The following CLSTN2 variants were observed in gnomAD, a reference collection of about 807,000 sequenced individuals.
CLSTN2 encodes the protein calsyntenin-2.
In CLSTN2, 48 loss-of-function variants were observed where a neutral mutation model predicts 101.2. The ratio of observed to expected loss-of-function variants is 0.47; its 90% CI spans 0.38 to 0.60. CLSTN2 has a LOEUF of 0.60. Among genes scored for constraint, CLSTN2 ranks in the 20% least tolerant of loss-of-function variants. CLSTN2 has a pLI of 0.00. For synonymous variants in CLSTN2, 481 were observed against 463.6 expected (o/e 1.04, Z -0.48); for missense variants, 1,160 against 1,238.2 (o/e 0.94, Z 0.95).
intron 2 of CLSTN2, among the ~76,000 whole-genome samples, chr3:140,308,157 C>T (rs2087132551): frequency 6.6e-6 from 1 of 152,192 alleles, no homozygotes; most frequent in South Asian, 2.1e-4. Flanking sequence ...CTATGGAAGG[C>T]TACAGATCCT....
At chr3:140,202,264 C>T (rs772889521) in intron 2 of CLSTN2, among the ~76,000 whole-genome samples, 1 of 152,178 alleles carries the variant, frequency 6.6e-6, no homozygotes, top group Non-Finnish European at 1.5e-5. Context: ...AGGGAGACCA[C>T]TTAGTAGGCC....
At chr3:140,385,250 A>G (rs1259589775) in intron 2 of CLSTN2, among the ~76,000 whole-genome samples, 3 of 152,218 alleles carry the variant, frequency 2.0e-5, no homozygotes, top group East Asian at 1.9e-4. Flanking sequence ...CTCACACCTA[A>G]GAAGCATCTT....
At chr3:140,564,201 C>T (rs1244015480) in intron 16 of CLSTN2, 56 bp downstream of exon 16, 1 of 1,535,282 alleles carries the variant, frequency 6.5e-7, no homozygotes, top group Non-Finnish European at 8.9e-7. Flanking sequence ...CTCTACCCAG[C>T]TCAACCCTTC....
At chr3:139,961,526 T>G (rs1935511030) in intron 1 of CLSTN2, among the ~76,000 whole-genome samples, 1 of 152,188 alleles carries the variant, frequency 6.6e-6, no homozygotes, top group African/African-American at 2.4e-5. Context: ...ATGAGTGATG[T>G]TGATCTGCTG....
At chr3:139,994,302 C>A (rs1936164910) in intron 1 of CLSTN2, among the ~76,000 whole-genome samples, 1 of 152,168 alleles carries the variant, frequency 6.6e-6, no homozygotes. Flanking sequence ...TGTCAGTGAC[C>A]TTTCCTTGTG....
At chr3:140,552,696 A>G (rs947212528) in intron 10 of CLSTN2, among the ~76,000 whole-genome samples, 3 of 152,128 alleles carry the variant, frequency 2.0e-5, no homozygotes, top group East Asian at 1.9e-4. Flanking sequence ...TCAGAGACCA[A>G]CCTCCACTGC....
intron 9 of CLSTN2, 36 bp from the exon 10 acceptor site, chr3:140,546,479 T>A: frequency 6.2e-7 from 1 of 1,604,410 alleles, no homozygotes; most frequent in Non-Finnish European, 8.5e-7. Context: ...TCCTACCCAG[T>A]CTTCACAGGG....
At chr3:140,026,553 G>A (rs1382139321) in intron 1 of CLSTN2, among the ~76,000 whole-genome samples, 1 of 152,192 alleles carries the variant, frequency 6.6e-6, no homozygotes, top group Admixed American at 6.5e-5. Flanking sequence ...ATTGCTACTT[G>A]TTTCTTATTG....
At chr3:140,005,995 A>C (rs1485061798) in intron 1 of CLSTN2, among the ~76,000 whole-genome samples, 2 of 152,224 alleles carry the variant, frequency 1.3e-5, no homozygotes, top group Non-Finnish European at 2.9e-5. Flanking sequence ...CTAAGAGTTA[A>C]TATCTAAGTT....
At chr3:140,086,930 TG>T (rs2008692202) in intron 1 of CLSTN2, among the ~76,000 whole-genome samples, 2 of 152,220 alleles carry the variant, frequency 1.3e-5, no homozygotes, top group South Asian at 4.1e-4. Context: ...CTTTTTAACT[TG>T]GCACTATGAT....
At position 140,371,739 on chromosome 3, in the gene CLSTN2, T is replaced by TA. The variant is rs534610913; in HGVS notation, c.233-31889dup. Among the ~76,000 whole-genome samples the TA allele has an allele frequency of 6.6e-5, 10 of 152,334 alleles. No homozygotes were observed. The South Asian group carries it at 2.1e-3, about 32-fold the overall frequency. On this transcript the variant is annotated intron_variant, in intron 2 of 16. Coordinates refer to ENST00000458420, the MANE Select transcript of CLSTN2 (RefSeq NM_022131.3). Reference sequence around the variant, plus strand: ...ACAAGCATTAATTTCTTGGCATCTCTACCAAACCAGTTATGGTCCAATAGC... The same window carrying TA: ...ACAAGCATTAATTTCTTGGCATCTCTAACCAAACCAGTTATGGTCCAATAGC...
chr3:140,032,092 A>C (rs945083729), intron 1 of CLSTN2, among the ~76,000 whole-genome samples: 2 of 152,226 alleles, frequency 1.3e-5, no homozygotes, highest in Non-Finnish European at 2.9e-5. Context: ...CCCACAGACC[A>C]AAGGAAAGCG....
chr3:139,954,748 C>T (rs1036242430), intron 1 of CLSTN2, among the ~76,000 whole-genome samples: 1 of 152,086 alleles, frequency 6.6e-6, no homozygotes, highest in African/African-American at 2.4e-5. Context: ...GAACAGCTGG[C>T]AGAACTAAAA....
At position 140,404,774 on chromosome 3, in the gene CLSTN2, A is replaced by C; in HGVS notation, c.637+8A>C. ...TTGCCATCGACAGAAATGGTGAGTG[A>C]CCTCAGAGGACCCCTGTGGGGTCAG... is the stretch of plus-strand genomic sequence containing the variant. On this transcript the variant is annotated splice_region_variant and intron_variant, in intron 4 of 16. Coordinates refer to ENST00000458420, the MANE Select transcript of CLSTN2 (RefSeq NM_022131.3). 1 of 1,612,654 alleles carries C rather than the reference A, an allele frequency of 6.2e-7. No homozygotes were observed. The highest frequency in any genetic ancestry group is 1.3e-5 in the African/African-American group (1 of 74,976).
At chr3:140,178,674 T>C (rs887298055) in intron 2 of CLSTN2, among the ~76,000 whole-genome samples, 4 of 152,218 alleles carry the variant, frequency 2.6e-5, no homozygotes, top group Admixed American at 2.6e-4. Context: ...ACACAGGCAC[T>C]AGCCATCCAT....
chr3:140,413,612 G>A (rs2088391435), intron 4 of CLSTN2, among the ~76,000 whole-genome samples: 2 of 152,176 alleles, frequency 1.3e-5, no homozygotes, highest in South Asian at 2.1e-4. Flanking sequence ...AAAATTACAG[G>A]CCAATATTTC....
At chr3:140,192,524 G>A (rs959760819) in intron 2 of CLSTN2, among the ~76,000 whole-genome samples, 2 of 151,718 alleles carry the variant, frequency 1.3e-5, no homozygotes, top group African/African-American at 4.8e-5. Context: ...TATTTGTGAA[G>A]TGGCCCTTTA....
intron 2 of CLSTN2, among the ~76,000 whole-genome samples, chr3:140,214,850 C>T (rs898976237): frequency 1.3e-5 from 2 of 152,184 alleles, no homozygotes; most frequent in African/African-American, 4.8e-5. Context: ...TTTTCTTACA[C>T]TTTGGAAAAG....
chr3:140,248,166 G>C (rs1157092862), intron 2 of CLSTN2, among the ~76,000 whole-genome samples: 1 of 152,230 alleles, frequency 6.6e-6, no homozygotes, highest in Non-Finnish European at 1.5e-5. Context: ...GAAATATTTT[G>C]CTGTGTCCAT....
Sources: gnomAD v4.1 joint callset for allele counts (sites outside exome capture counted in the v4.1 genomes callset) on GRCh38, gnomAD v4.1.1 for gene constraint, MANE v1.5 for transcripts, NCBI Gene and HGNC (gene_info 2026-07-23, HGNC 2026-07-21) for gene names.